EPB41L3: variants seen among roughly 807,000 people sequenced by gnomAD.
EPB41L3 encodes the protein erythrocyte membrane protein band 4.1 like 3, also known as band 4.1-like protein 3.
A neutral mutation model predicts 127.1 loss-of-function variants in EPB41L3; 57 were observed. The ratio of observed to expected loss-of-function variants is 0.45; its 90% CI spans 0.36 to 0.56. The LOEUF is 0.56. Among genes scored for constraint, EPB41L3 ranks in the 20% least tolerant of loss-of-function variants. EPB41L3 has a pLI of 0.00. For synonymous variants in EPB41L3, 572 were observed against 549.5 expected, an observed-to-expected ratio of 1.04 and a Z score of -0.57; for missense variants, 1,273 against 1,372.2, an observed-to-expected ratio of 0.93 and a Z score of 1.14.
chr18:5,628,154 G>T (rs969489256), intron 1 of EPB41L3, among the ~76,000 whole-genome samples: 2 of 152,172 alleles, frequency 1.3e-5, no homozygotes, highest in Non-Finnish European at 2.9e-5. Flanking sequence ...AGTCTTGCGG[G>T]GCCCGTCGGT....
rs974148113 is a variant in EPB41L3, at chr18:5,478,382, C to T, written c.240G>A (p.Gln80=). ...AARAAKQLEY[Q]QLEDDKLSQK... ...GAGAAAGTTTATCGTCTTCTAATTG[C>T]TGATATTCGAGCTGTTTTGCAGCCC... The change falls in exon 3 of 23, where the codon CAG becomes CAA. Residue 80 remains glutamine, a synonymous_variant. Coordinates refer to ENST00000341928, the MANE Select transcript of EPB41L3 (RefSeq NM_012307.5). 1.2e-6 allele frequency: 2 copies of T among 1,614,044 alleles called. No individual in the cohort carries two copies. Among genetic ancestry groups the T allele is most frequent in the African/African-American group, 2.7e-5 (2 of 74,930 alleles).
chr18:5,398,565 G>T, intron 16 of EPB41L3: 1 of 403,384 alleles, frequency 2.5e-6, no homozygotes, highest in Non-Finnish European at 4.4e-6. Context: ...CAAGAGAAAC[G>T]GAAAGGTTTG....
chr18:5,414,908 T>A (rs770830697), intron 13 of EPB41L3, among the ~76,000 whole-genome samples: 1 of 152,224 alleles, frequency 6.6e-6, no homozygotes, highest in Non-Finnish European at 1.5e-5. Context: ...TGCAGCAGCA[T>A]GCCTTCAAGG....
At chr18:5,479,661 T>C (rs944205341) in intron 2 of EPB41L3, 4 of 152,022 alleles carry the variant, frequency 2.6e-5, no homozygotes, top group African/African-American at 7.2e-5. Context: ...TTCTTAAGAA[T>C]TGAAAGAGAC....
intron 2 of EPB41L3, among the ~76,000 whole-genome samples, chr18:5,480,352 G>A (rs979585223): frequency 2.0e-5 from 3 of 152,176 alleles, no homozygotes; most frequent in Non-Finnish European, 4.4e-5. Flanking sequence ...CATATGATGC[G>A]TTCTAATTTT....
chr18:5,589,273 C>G (rs2094465326), intron 3 of EPB41L3, among the ~76,000 whole-genome samples: 1 of 152,030 alleles, frequency 6.6e-6, no homozygotes, highest in African/African-American at 2.4e-5. Context: ...CTTTCTCTGT[C>G]AACACTCCCC....
intron 1 of EPB41L3, among the ~76,000 whole-genome samples, chr18:5,501,193 G>A (rs1281278660): frequency 2.6e-5 from 4 of 151,916 alleles, no homozygotes; most frequent in Admixed American, 2.6e-4. Flanking sequence ...AAAAATTCCA[G>A]GTATTCTATT....
At chr18:5,393,843 A>C (rs536604132) in intron 22 of EPB41L3, 16 of 195,428 alleles carry the variant, frequency 8.2e-5, no homozygotes, top group Non-Finnish European at 1.4e-4. Context: ...ACATTTTATC[A>C]CATCACCAAG....
Position 5,577,369 on chromosome 18 carries a change from A to G in EPB41L3, c.-306+34971T>C, listed in dbSNP as rs1316568442. On this transcript the variant is annotated intron_variant, in intron 3 of 21. Coordinates refer to the EPB41L3 transcript ENST00000545076. ...AGAGACTTTGAGCACAGATAGAGAC[A>G]GATGAAAGATGGCATGCTGCAGTGC... 6 of 453,534 alleles carry G rather than the reference A, an allele frequency of 1.3e-5. No homozygotes were observed. The Admixed American group carries it at 1.4e-4, about 11-fold the overall frequency. 28.1% of individuals were successfully genotyped at this position (453,534 alleles called of 1,614,324 possible). A position where few individuals can be genotyped will look rare whatever the true frequency, so the allele number is the denominator to read the frequency against.
intron 1 of EPB41L3, among the ~76,000 whole-genome samples, chr18:5,511,902 T>A (rs1397085774): frequency 6.6e-6 from 1 of 152,226 alleles, no homozygotes; most frequent in African/African-American, 2.4e-5. Context: ...ATTAAGCTGG[T>A]ACAGATTCGC....
intron 1 of EPB41L3, among the ~76,000 whole-genome samples, chr18:5,536,299 G>A (rs939080894): frequency 2.0e-5 from 3 of 151,148 alleles, no homozygotes; most frequent in African/African-American, 4.9e-5. Flanking sequence ...TATATTAGAA[G>A]AGAGTCATGA....
At chr18:5,536,890 A>G (rs1395460043) in intron 1 of EPB41L3, among the ~76,000 whole-genome samples, 1 of 152,216 alleles carries the variant, frequency 6.6e-6, no homozygotes, top group Non-Finnish European at 1.5e-5. Context: ...TATTTAAGAC[A>G]GAAGTCTATT....
At chr18:5,442,456 T>A (rs1192125266) in intron 5 of EPB41L3, among the ~76,000 whole-genome samples, 2 of 152,192 alleles carry the variant, frequency 1.3e-5, no homozygotes, top group Non-Finnish European at 2.9e-5. Context: ...TTCTGGGATA[T>A]TACCTAGTAT....
intron 3 of EPB41L3, among the ~76,000 whole-genome samples, chr18:5,608,570 T>C (rs1039736146): frequency 2.6e-5 from 4 of 152,166 alleles, no homozygotes; most frequent in Non-Finnish European, 5.9e-5. Flanking sequence ...AATAAAGTGT[T>C]ATCTTCAGAA....
At chr18:5,426,518 C>T (rs780775065) in intron 9 of EPB41L3, among the ~76,000 whole-genome samples, 2 of 152,174 alleles carry the variant, frequency 1.3e-5, no homozygotes, top group Non-Finnish European at 2.9e-5. Context: ...GTTTCTAAGT[C>T]GTTGAATTTC....
intron 14 of EPB41L3, among the ~76,000 whole-genome samples, chr18:5,408,326 T>A (rs1598552513): frequency 6.7e-6 from 1 of 148,668 alleles, no homozygotes; most frequent in African/African-American, 2.5e-5. Flanking sequence ...CAGGCTGGAG[T>A]GCAATGGCGT....
chr18:5,437,918 C>A, intron 6 of EPB41L3, 117 bp downstream of exon 6: 1 of 816,746 alleles, frequency 1.2e-6, no homozygotes, highest in Non-Finnish European at 1.9e-6. Flanking sequence ...TTTTGTTTGC[C>A]ATTTGAGCGT....
chr18:5,536,163 G>A (rs139941346), intron 1 of EPB41L3, among the ~76,000 whole-genome samples: 62 of 152,164 alleles, frequency 4.1e-4, no homozygotes, highest in Admixed American at 5.2e-4. Flanking sequence ...GAAATCTATG[G>A]TGAAAATTTG....
chr18:5,566,782 C>CCA (rs1568584016), intron 3 of EPB41L3, among the ~76,000 whole-genome samples: 57 of 132,594 alleles, frequency 4.3e-4, no homozygotes, highest in Middle Eastern at 3.8e-3. Flanking sequence ...CTATTCTATT[C>CCA]TATTCTATTC....
Sources: gnomAD v4.1 joint callset for allele counts (sites outside exome capture counted in the v4.1 genomes callset) on GRCh38, gnomAD v4.1.1 for gene constraint, MANE v1.5 for transcripts, NCBI Gene and HGNC (gene_info 2026-07-23, HGNC 2026-07-21) for gene names.